Variants in TRAPPC11 observed in about 807,000 individuals in gnomAD.
TRAPPC11 encodes foie gras homolog.
In TRAPPC11, 104 loss-of-function variants were observed where a neutral mutation model predicts 151.2. The observed-to-expected ratio is 0.69, with a 90% CI of 0.59 to 0.81. The LOEUF is 0.81. Ranked by LOEUF, TRAPPC11 falls within the 30% of genes least tolerant of loss-of-function variation. The pLI is 0.00. For synonymous variants in TRAPPC11, 456 were observed against 472.3 expected, an observed-to-expected ratio of 0.97 and a Z score of 0.45; for missense variants, 1,230 against 1,349.6, an observed-to-expected ratio of 0.91 and a Z score of 1.39.
chr4:183,660,277 C>A (rs1252189425), intron 1 of TRAPPC11, among the ~76,000 whole-genome samples: 1 of 152,214 alleles, frequency 6.6e-6, no homozygotes, highest in Non-Finnish European at 1.5e-5. Context: ...ATTTAGATCT[C>A]TGCTGTCCAG....
chr4:183,681,913 T>A (rs1339276233), intron 10 of TRAPPC11, among the ~76,000 whole-genome samples: 2 of 152,218 alleles, frequency 1.3e-5, no homozygotes, highest in African/African-American at 2.4e-5. Context: ...GTACCAAAAT[T>A]TATTTATAAA....
chr4:183,706,990 A>G (rs1561065134), intron 28 of TRAPPC11, 50 bp downstream of exon 28: 2 of 1,599,946 alleles, frequency 1.3e-6, no homozygotes, highest in African/African-American at 2.7e-5. Flanking sequence ...GTGTGCCAGG[A>G]AACGGAGAGC....
chr4:183,713,027 C>T lies in TRAPPC11; in HGVS notation c.*383C>T, dbSNP rs565619517. On this transcript the variant is annotated 3_prime_UTR_variant, in exon 30 of 30. Transcript: ENST00000334690. The stretch of plus-strand genomic sequence containing the variant: ...GTGCCTGTGCCATAAAGTTCCGAAT[C>T]CCCCATGTGTCTCTTTCAGAGCTGG... 5.0e-6 allele frequency: 1 copy of T among 199,458 alleles called. No individual in the cohort carries two copies. The highest frequency in any genetic ancestry group is 1.2e-4 in the South Asian group (1 of 8,138). The allele number at this position is 199,458 out of a possible 1,614,324, so 12.4% of individuals were successfully genotyped here.
In TRAPPC11 at chr4:183,686,765, A is replaced by C; in HGVS notation, c.1893+17A>C. The C allele has an allele frequency of 6.2e-7, 1 of 1,612,938 alleles. No homozygotes were observed. The highest frequency in any genetic ancestry group is 8.5e-7 in the Non-Finnish European group (1 of 1,179,476). On this transcript the variant is annotated intron_variant, in intron 18 of 29. Transcript: ENST00000334690. ...AATAATCAGGTAATGATGCCATGTCATGTGTTTTTACCACGTTTATCTTAT... is the reference window on the plus strand; with the variant it reads ...AATAATCAGGTAATGATGCCATGTCCTGTGTTTTTACCACGTTTATCTTAT...
chr4:183,684,387 C>T (rs770454614), intron 14 of TRAPPC11, 28 bp downstream of exon 14: 56 of 1,590,534 alleles, frequency 3.5e-5, no homozygotes, highest in Admixed American at 3.0e-4. Context: ...TTTACTTTTA[C>T]AAGTATTTGG....
rs1735601821 is a variant in TRAPPC11, at chr4:183,680,120, A to G, written c.966A>G (p.Gln322=). The G allele has an allele frequency of 6.2e-7, 1 of 1,602,606 alleles. No individual in the cohort carries two copies. Among genetic ancestry groups the G allele is most frequent in the Non-Finnish European group, 8.5e-7 (1 of 1,176,698 alleles). The change falls in exon 10 of 30, where the codon CAA becomes CAG. Residue 322 remains glutamine (Q), a splice_region_variant and synonymous_variant. Transcript: ENST00000334690. ...SFEHDAWMSK[Q]FQAFGDLFDE... ...ATTTCTTGATTTTCTTTTCTTTAAG[A>G]TTCCAGGCCTTTGGAGATTTATTTG... is the stretch of plus-strand genomic sequence containing the variant.
chr4:183,680,031 C>CT (rs1735596500), intron 9 of TRAPPC11, 89 bp from the exon 10 acceptor site: 4 of 1,103,568 alleles, frequency 3.6e-6, no homozygotes, highest in African/African-American at 1.6e-5. Context: ...ACACAGTCTG[C>CT]TGAGGTTAAG....
intron 5 of TRAPPC11, among the ~76,000 whole-genome samples, chr4:183,673,167 T>G (rs1735240164): frequency 6.6e-6 from 1 of 152,148 alleles, no homozygotes; most frequent in South Asian, 2.1e-4. Context: ...TTTCACCGTG[T>G]TAGCCAGGCT....
rs73872664 is a variant in TRAPPC11 at position 183,689,498 on chromosome 4, T to C, written c.1894-1818T>C. 9.1e-3 allele frequency among the ~76,000 whole-genome samples: 1,382 copies of C among 152,236 alleles called. 22 individuals are homozygous for C. Among genetic ancestry groups the C allele is most frequent in the African/African-American group, 0.032 (1,321 of 41,550 alleles). ...ACTAATCACACTGTGGTTTCACCGT[T>C]GTCTGTGTGATTATTTGGTAAATTA... On this transcript the variant is annotated intron_variant, in intron 18 of 29. Transcript: ENST00000334690.
At chr4:183,691,554 TA>T (rs1297966855) in intron 19 of TRAPPC11, 83 bp downstream of exon 19, 2 of 909,554 alleles carry the variant, frequency 2.2e-6, no homozygotes, top group Non-Finnish European at 3.0e-6. Flanking sequence ...AAAAGTTGAT[TA>T]AGTAAAAAAT....
chr4:183,705,114 A>G (rs1736992207), intron 27 of TRAPPC11, 44 bp downstream of exon 27: 1 of 1,319,546 alleles, frequency 7.6e-7, no homozygotes, highest in Non-Finnish European at 1.1e-6. Flanking sequence ...ACCCAATAAT[A>G]ATAGTTATTT....
intron 4 of TRAPPC11, 127 bp downstream of exon 4, chr4:183,667,257 T>A: frequency 1.5e-6 from 1 of 647,160 alleles, no homozygotes; most frequent in South Asian, 2.5e-5. Context: ...ATGTTAACTT[T>A]AAAAAGCACC....
intron 7 of TRAPPC11, among the ~76,000 whole-genome samples, chr4:183,676,306 C>A (rs759209057): frequency 2.0e-5 from 3 of 152,006 alleles, no homozygotes; most frequent in African/African-American, 4.8e-5. Flanking sequence ...CCTGCCACCA[C>A]GCCCAGCTAA....
At chr4:183,706,062 G>C (rs1737042436) in intron 27 of TRAPPC11, 1 of 130,530 alleles carries the variant, frequency 7.7e-6, no homozygotes, top group Non-Finnish European at 1.6e-5. Flanking sequence ...TGGCAGAACT[G>C]CCAGAACACA....
intron 20 of TRAPPC11, 35 bp downstream of exon 20, chr4:183,693,182 ATCC>A (rs1736345112): frequency 1.3e-6 from 2 of 1,531,096 alleles, no homozygotes; most frequent in Non-Finnish European, 1.8e-6. Context: ...ATTAAAGGTC[ATCC>A]TCTTATTTCT....
In TRAPPC11 at chr4:183,668,044, A is replaced by G. The variant is rs775567168; in HGVS notation, c.487A>G (p.Asn163Asp). The change falls in exon 5 of 30, where the codon AAT becomes GAT. Residue 163 changes from asparagine (N) to aspartate (D), a missense_variant. Physicochemically the swap from Asn to Asp is conservative, Grantham distance 23. Transcript: ENST00000334690. Reference sequence around the variant, plus strand: ...TTCAGAAAGGGCTGCAGCTTTATGCAATGCATGTGAACTCTCAGGAAAGTC... The same window carrying G: ...TTCAGAAAGGGCTGCAGCTTTATGCGATGCATGTGAACTCTCAGGAAAGTC... ...IASERAAALCNACELSGKSLF... is the reference protein window; with the variant it reads ...IASERAAALCDACELSGKSLF... 1.5e-5 allele frequency: 24 copies of G among 1,613,562 alleles called. No homozygotes were observed. In the South Asian group the frequency reaches 2.3e-4, roughly 16 times the overall value.
intron 15 of TRAPPC11, 31 bp downstream of exon 15, chr4:183,684,872 G>A (rs1312830599): frequency 1.3e-6 from 2 of 1,587,636 alleles, no homozygotes; most frequent in Non-Finnish European, 1.7e-6. Flanking sequence ...TAAAATTCTT[G>A]ATACATAAAA....
intron 5 of TRAPPC11, among the ~76,000 whole-genome samples, chr4:183,669,962 G>A (rs894310719): frequency 2.6e-5 from 4 of 152,206 alleles, no homozygotes; most frequent in Admixed American, 2.6e-4. Context: ...GTAAAAACAA[G>A]TGCCCTGGGT....
chr4:183,663,761 A>C (rs1734688601), intron 1 of TRAPPC11, 86 bp from the exon 2 acceptor site: 2 of 331,768 alleles, frequency 6.0e-6, no homozygotes, highest in Non-Finnish European at 1.1e-5. Context: ...TTTTTGAGAC[A>C]GAGTTTTGCT....
Sources: gnomAD v4.1 joint callset for allele counts (sites outside exome capture counted in the v4.1 genomes callset) on GRCh38, gnomAD v4.1.1 for gene constraint, MANE v1.5 for transcripts, NCBI Gene and HGNC (gene_info 2026-07-23, HGNC 2026-07-21) for gene names.